TMEM232: variants seen among roughly 807,000 people sequenced by gnomAD.
TMEM232 encodes the protein transmembrane protein 232.
Under a neutral mutation model 78.8 loss-of-function variants are expected in TMEM232, and 80 were observed. That is an observed-to-expected ratio of 1.01 (90% CI 0.85 to 1.22). TMEM232 has a LOEUF of 1.22. Ranked by LOEUF, TMEM232 falls within the 50% of genes most tolerant of loss-of-function variation. The pLI, the probability that TMEM232 is intolerant of heterozygous loss-of-function variation, is 0.00. For missense variants in TMEM232, 881 were observed against 742.2 expected (o/e 1.19, Z -2.17); for synonymous variants, 297 against 254.3 (o/e 1.17, Z -1.60).
chr5:110,400,354 C>T (rs976095993), intron 2 of TMEM232, among the ~76,000 whole-genome samples: 1 of 151,984 alleles, frequency 6.6e-6, no homozygotes, highest in African/African-American at 2.4e-5. Flanking sequence ...GTGAGAAATA[C>T]AATTTAAATA....
intron 3 of TMEM232, among the ~76,000 whole-genome samples, chr5:110,641,438 T>C (rs1312772481): frequency 1.3e-5 from 2 of 152,158 alleles, no homozygotes; most frequent in Non-Finnish European, 2.9e-5. Context: ...ATGATCAGGA[T>C]TGTTCCACTT....
At chr5:110,517,872 C>A (rs2149490522) in intron 12 of TMEM232, among the ~76,000 whole-genome samples, 1 of 152,224 alleles carries the variant, frequency 6.6e-6, no homozygotes, top group South Asian at 2.1e-4. Flanking sequence ...ATTTACTAAT[C>A]CCTCAAAGCC....
intron 2 of TMEM232, among the ~76,000 whole-genome samples, chr5:110,645,562 G>A (rs141753254): frequency 5.3e-5 from 8 of 150,620 alleles, no homozygotes; most frequent in Middle Eastern, 3.5e-3. Context: ...AAGAATTTAC[G>A]TCAATTTACT....
intron 1 of TMEM232, among the ~76,000 whole-genome samples, chr5:110,714,155 G>C (rs561215221): frequency 4.6e-5 from 7 of 152,288 alleles, no homozygotes; most frequent in Admixed American, 4.6e-4. Context: ...TCTGTTAACT[G>C]AGAGTATAAT....
At chr5:110,646,656 C>G (rs1005515020) in intron 2 of TMEM232, among the ~76,000 whole-genome samples, 2 of 151,780 alleles carry the variant, frequency 1.3e-5, no homozygotes. Flanking sequence ...AATTTCTCCA[C>G]TATGAACCCA....
intron 11 of TMEM232, among the ~76,000 whole-genome samples, chr5:110,534,825 T>A (rs1234783638): frequency 6.6e-6 from 1 of 152,212 alleles, no homozygotes; most frequent in Non-Finnish European, 1.5e-5. Flanking sequence ...CTTTTATACC[T>A]GTTTTTCTCC....
At chr5:110,731,342 C>T (rs1054110982), upstream of TMEM232, among the ~76,000 whole-genome samples, 3 of 152,162 alleles carry the variant, frequency 2.0e-5, no homozygotes, top group African/African-American at 7.2e-5. Flanking sequence ...GATGGTGGCC[C>T]TCTTCTCATA....
In TMEM232 at chr5:110,638,241, G is replaced by A. The variant is rs1786161844; in HGVS notation, c.458C>T (p.Ser153Phe). The A allele has an allele frequency of 6.5e-7, 1 of 1,549,000 alleles. No homozygotes were observed. ...AACTGAATATAAATATGTTTTGAGG[G>A]ATGCATCACAACACAGTCTGTATAA... ...SVLYRLCCDA[S>F]LKTYLYSVEI... Residue 153 changes from serine to phenylalanine, a missense_variant, in exon 5 of 14, where the codon TCC (serine) becomes TTC (phenylalanine). Coordinates refer to ENST00000455884, the MANE Select transcript of TMEM232 (RefSeq NM_001039763.4).
At chr5:110,511,749 A>G (rs747869723) in intron 12 of TMEM232, among the ~76,000 whole-genome samples, 3 of 152,198 alleles carry the variant, frequency 2.0e-5, no homozygotes, top group Non-Finnish European at 4.4e-5. Flanking sequence ...GTCTCTGATT[A>G]TGTCACAACC....
chr5:110,716,189 G>A (rs1195644256), intron 1 of TMEM232, among the ~76,000 whole-genome samples: 2 of 152,048 alleles, frequency 1.3e-5, no homozygotes, highest in Non-Finnish European at 2.9e-5. Context: ...ACTCGTATTT[G>A]GCTCAGAATA....
chr5:110,449,905 G>C (rs1396932128), intron 12 of TMEM232, among the ~76,000 whole-genome samples: 1 of 152,050 alleles, frequency 6.6e-6, no homozygotes, highest in Non-Finnish European at 1.5e-5. Context: ...TATTTATCAT[G>C]ATTATTGATA....
chr5:110,659,701 T>A (rs1789541798), intron 2 of TMEM232, among the ~76,000 whole-genome samples: 1 of 152,118 alleles, frequency 6.6e-6, no homozygotes, highest in African/African-American at 2.4e-5. Context: ...CTTAAAAAGA[T>A]CTGCAGGGAA....
At chr5:110,620,334 A>G (rs138605955) in intron 7 of TMEM232, among the ~76,000 whole-genome samples, 2 of 152,298 alleles carry the variant, frequency 1.3e-5, no homozygotes, top group Admixed American at 1.3e-4. Flanking sequence ...ACCATAAGAA[A>G]TAAACAAAGC....
chr5:110,692,907 T>C (rs1794304989), intron 1 of TMEM232, among the ~76,000 whole-genome samples: 1 of 152,196 alleles, frequency 6.6e-6, no homozygotes, highest in South Asian at 2.1e-4. Context: ...AAGGCAGCAG[T>C]AACCTCTGCA....
chr5:110,697,943 A>G (rs1168160232), intron 1 of TMEM232, among the ~76,000 whole-genome samples: 2 of 152,200 alleles, frequency 1.3e-5, no homozygotes, highest in Non-Finnish European at 2.9e-5. Context: ...CTGGGTATAT[A>G]CCCAAAGGAT....
At chr5:110,400,194 A>C (rs1191516977) in intron 2 of TMEM232, among the ~76,000 whole-genome samples, 1 of 152,156 alleles carries the variant, frequency 6.6e-6, no homozygotes, top group African/African-American at 2.4e-5. Flanking sequence ...GCTAAGTGAA[A>C]AATGCACAAT....
At chr5:110,494,716 C>T (rs1043073398) in intron 12 of TMEM232, among the ~76,000 whole-genome samples, 2 of 152,014 alleles carry the variant, frequency 1.3e-5, no homozygotes, top group African/African-American at 2.4e-5. Flanking sequence ...TTGACAGAGA[C>T]ACTGAAAAAT....
chr5:110,701,080 T>C (rs1248144463), intron 1 of TMEM232, among the ~76,000 whole-genome samples: 1 of 151,952 alleles, frequency 6.6e-6, no homozygotes, highest in African/African-American at 2.4e-5. Flanking sequence ...TCTGGAACTT[T>C]ATAATGATCA....
At chr5:110,698,592 T>C (rs886401202) in intron 1 of TMEM232, among the ~76,000 whole-genome samples, 1 of 152,056 alleles carries the variant, frequency 6.6e-6, no homozygotes, top group Non-Finnish European at 1.5e-5. Flanking sequence ...AAGCATTGTG[T>C]TTGATCCAAC....
Sources: allele counts gnomAD v4.1 joint callset (sites outside exome capture counted in the v4.1 genomes callset), GRCh38; gene constraint gnomAD v4.1.1; transcripts MANE v1.5; gene names NCBI Gene and HGNC (gene_info 2026-07-23, HGNC 2026-07-21).